Variants in CACNA2D3 observed in about 807,000 individuals in gnomAD.
CACNA2D3 encodes the protein calcium voltage-gated channel auxiliary subunit alpha2delta 3.
Under a neutral mutation model 160.6 loss-of-function variants are expected in CACNA2D3, and 60 were observed. The observed-to-expected ratio is 0.37, with a 90% CI of 0.30 to 0.46. CACNA2D3 has a LOEUF of 0.46. Among genes scored for constraint, CACNA2D3 ranks in the 20% least tolerant of loss-of-function variants. The probability of loss-of-function intolerance (pLI) is 1.00; values close to 1 mark genes in which losing one functional copy is unlikely to be tolerated. For missense variants in CACNA2D3, 1,205 were observed against 1,365.0 expected, an observed-to-expected ratio of 0.88 and a Z score of 1.85; for synonymous variants, 558 against 492.9, an observed-to-expected ratio of 1.13 and a Z score of -1.75.
At chr3:54,676,257 G>A (rs1337483475) in intron 11 of CACNA2D3, among the ~76,000 whole-genome samples, 1 of 152,146 alleles carries the variant, frequency 6.6e-6, no homozygotes, top group African/African-American at 2.4e-5. Context: ...CATTGAAACT[G>A]AAATGGCAAA....
intron 34 of CACNA2D3, among the ~76,000 whole-genome samples, chr3:55,011,159 T>G (rs1370151373): frequency 1.3e-5 from 2 of 152,228 alleles, no homozygotes; most frequent in African/African-American, 4.8e-5. Flanking sequence ...GCCCGCATAG[T>G]TTGCTCTCTG....
chr3:54,636,374 A>T (rs2106833786), intron 10 of CACNA2D3, among the ~76,000 whole-genome samples: 1 of 152,126 alleles, frequency 6.6e-6, no homozygotes, highest in South Asian at 2.1e-4. Context: ...GGCCGGATTG[A>T]AGTCCGGGCC....
At chr3:54,832,541 C>T (rs1703904142) in intron 14 of CACNA2D3, among the ~76,000 whole-genome samples, 1 of 152,238 alleles carries the variant, frequency 6.6e-6, no homozygotes. Context: ...CACTCTGCGG[C>T]AGACTACTTT....
At chr3:54,900,894 T>C (rs1388028315) in intron 27 of CACNA2D3, among the ~76,000 whole-genome samples, 2 of 152,168 alleles carry the variant, frequency 1.3e-5, no homozygotes, top group Non-Finnish European at 2.9e-5. Context: ...ATTAGTAGGG[T>C]TGAAAGATCT....
intron 11 of CACNA2D3, among the ~76,000 whole-genome samples, chr3:54,722,162 G>C (rs1022166825): frequency 3.3e-5 from 5 of 152,038 alleles, no homozygotes; most frequent in African/African-American, 4.8e-5. Context: ...CATTAAGTTG[G>C]TTTTCAATCA....
chr3:54,272,186 G>A (rs1382552739), intron 2 of CACNA2D3, among the ~76,000 whole-genome samples: 4 of 152,178 alleles, frequency 2.6e-5, no homozygotes, highest in Admixed American at 6.5e-5. Context: ...GGAGTGACAC[G>A]TGTTAGGTGG....
At chr3:55,007,909 C>A in intron 33 of CACNA2D3, 67 bp downstream of exon 33, 1 of 1,099,378 alleles carries the variant, frequency 9.1e-7, no homozygotes, top group Non-Finnish European at 1.3e-6. Context: ...ATAAAGTGAT[C>A]TAAGAGATTG....
At chr3:54,350,968 G>GTGTGTTTTTTTTTT (rs1698542910) in intron 3 of CACNA2D3, among the ~76,000 whole-genome samples, 1 of 56,106 alleles carries the variant, frequency 1.8e-5, no homozygotes, top group African/African-American at 6.4e-5. Flanking sequence ...TCTTGAGTCT[G>GTGTGTTTTTTTTTT]TTTTTTTTTT....
chr3:54,943,763 A>G (rs1559639646), intron 27 of CACNA2D3, among the ~76,000 whole-genome samples: 1 of 151,900 alleles, frequency 6.6e-6, no homozygotes, highest in East Asian at 1.9e-4. Flanking sequence ...GTGTCATCCT[A>G]TTTCAGTCCG....
In CACNA2D3 at chr3:54,999,994, C is replaced by T. The variant is rs185415247; in HGVS notation, c.2691-4769C>T. On this transcript the variant is annotated intron_variant, in intron 31 of 37. Transcript: ENST00000474759. ...TTTAAAGTTTCAAAGTTCCACCATC[C>T]ATGTGGGCACACAGCGATGCTAATG... 7.7e-4 allele frequency among the ~76,000 whole-genome samples: 117 copies of T among 152,246 alleles called. 1 individual carries two copies. The highest frequency in any genetic ancestry group is 2.8e-3 in the African/African-American group (117 of 41,538).
chr3:54,162,955 A>T (rs1700375835), intron 2 of CACNA2D3, among the ~76,000 whole-genome samples: 1 of 152,226 alleles, frequency 6.6e-6, no homozygotes, highest in Non-Finnish European at 1.5e-5. Context: ...GCTGCCTCAG[A>T]TAGGGCAGTT....
chr3:54,998,127 C>CTTTTTTT (rs752805359), intron 31 of CACNA2D3, among the ~76,000 whole-genome samples: 1 of 126,994 alleles, frequency 7.9e-6, no homozygotes. Context: ...TCAATTAATT[C>CTTTTTTT]TTTTTTTTTT....
chr3:54,337,355 G>T (rs11707772), intron 3 of CACNA2D3, among the ~76,000 whole-genome samples: 1 of 152,164 alleles, frequency 6.6e-6, no homozygotes, highest in African/African-American at 2.4e-5. Flanking sequence ...CAGGTCCAGC[G>T]TCCCAGAGGG....
intron 13 of CACNA2D3, among the ~76,000 whole-genome samples, chr3:54,767,127 T>C (rs1363953925): frequency 6.6e-6 from 1 of 151,762 alleles, no homozygotes; most frequent in Non-Finnish European, 1.5e-5. Flanking sequence ...TTTTGCACAG[T>C]TTTGACTTTT....
intron 32 of CACNA2D3, 115 bp from the exon 33 acceptor site, chr3:55,007,675 A>G: frequency 1.5e-6 from 1 of 670,938 alleles, no homozygotes; most frequent in Non-Finnish European, 2.5e-6. Context: ...ACTGTTTTTT[A>G]ACATGATATC....
chr3:54,856,421 G>A (rs145517862), intron 17 of CACNA2D3, among the ~76,000 whole-genome samples: 25 of 152,212 alleles, frequency 1.6e-4, no homozygotes, highest in African/African-American at 5.3e-4. Context: ...TCATTTGTGT[G>A]TGACTGGAAC....
chr3:54,419,924 C>T (rs1236187733), intron 4 of CACNA2D3, among the ~76,000 whole-genome samples: 1 of 151,944 alleles, frequency 6.6e-6, no homozygotes, highest in South Asian at 2.1e-4. Context: ...CGCCACCATG[C>T]CTGGCTAATT....
chr3:54,412,743 A>T, intron 4 of CACNA2D3, among the ~76,000 whole-genome samples: 1 of 149,738 alleles, frequency 6.7e-6, no homozygotes, highest in South Asian at 2.1e-4. Flanking sequence ...GTTGTTGTTC[A>T]TTTCTTTTCC....
intron 3 of CACNA2D3, among the ~76,000 whole-genome samples, chr3:54,376,449 C>G (rs1254680306): frequency 6.6e-6 from 1 of 152,164 alleles, no homozygotes; most frequent in Non-Finnish European, 1.5e-5. Flanking sequence ...GGTATCTGTG[C>G]TTTGTTTTAT....
Sources: gnomAD v4.1 joint callset for allele counts (sites outside exome capture counted in the v4.1 genomes callset) on GRCh38, gnomAD v4.1.1 for gene constraint, MANE v1.5 for transcripts, NCBI Gene and HGNC (gene_info 2026-07-23, HGNC 2026-07-21) for gene names.